Variants in SLC22A23 observed in about 807,000 individuals in gnomAD.
SLC22A23 encodes the protein solute carrier family 22 member 23.
SLC22A23 carries 26 observed loss-of-function variants against 61.0 expected under a neutral mutation model. The ratio of observed to expected loss-of-function variants is 0.43; its 90% confidence interval spans 0.31 to 0.59. SLC22A23 has a LOEUF of 0.59. Among genes scored for constraint, SLC22A23 ranks in the 20% least tolerant of loss-of-function variants. The pLI is 0.11. For synonymous variants in SLC22A23, 430 were observed against 413.9 expected, an observed-to-expected ratio of 1.04 and a Z score of -0.47; for missense variants, 796 against 934.7, an observed-to-expected ratio of 0.85 and a Z score of 1.94.
chr6:3,395,229 T>C (rs1053472896), intron 3 of SLC22A23, among the ~76,000 whole-genome samples: 3 of 152,188 alleles, frequency 2.0e-5, no homozygotes, highest in Non-Finnish European at 4.4e-5. Flanking sequence ...ATAATAAGAT[T>C]TTGGAGCCCA....
At position 3,297,005 on chromosome 6, in the gene SLC22A23, T is replaced by C. The variant is rs922971727; in HGVS notation, c.1210+1086A>G. Among the ~76,000 whole-genome samples, 4 of 152,194 alleles carry C rather than the reference T, an allele frequency of 2.6e-5. No individual in the cohort carries two copies. The highest frequency in any genetic ancestry group is 4.4e-5 in the Non-Finnish European group (3 of 68,030). On this transcript the variant is annotated intron_variant, in intron 5 of 9. Coordinates refer to ENST00000406686, the MANE Select transcript of SLC22A23 (RefSeq NM_015482.2). The surrounding 1 kb of genome is among the most constrained non-coding windows in gnomAD (Gnocchi z 4.3). ...GCACCTGTGCCCCTGGAGCAAAGCTTCCGCAGCCACTCTGACTGTAGTCCC... is the reference window on the plus strand; with the variant it reads ...GCACCTGTGCCCCTGGAGCAAAGCTCCCGCAGCCACTCTGACTGTAGTCCC...
At chr6:3,444,949 G>GGATGA (rs1236564246) in intron 1 of SLC22A23, 1 of 985,344 alleles carries the variant, frequency 1.0e-6, no homozygotes, top group East Asian at 1.1e-4. Flanking sequence ...GACTCATCCC[G>GGATGA]GTCGTCCTCA....
chr6:3,334,464 A>G (rs1763742576), intron 3 of SLC22A23, among the ~76,000 whole-genome samples: 1 of 151,154 alleles, frequency 6.6e-6, no homozygotes, highest in Non-Finnish European at 1.5e-5. Flanking sequence ...CCCAGCGTAG[A>G]TGTTGGCTTT....
intron 3 of SLC22A23, among the ~76,000 whole-genome samples, chr6:3,361,528 A>G (rs1362727703): frequency 2.0e-5 from 3 of 152,180 alleles, no homozygotes; most frequent in Admixed American, 1.3e-4. Flanking sequence ...CGACCTGCCT[A>G]TCAGTTCTAT....
rs979884299 is a variant in SLC22A23 at position 3,410,640 on chromosome 6, T to C, written c.759-298A>G. ...GTCTATTTCTGAGTGTATAGTGATATAATTCAAGGCAAGGGGAACAAAATT... is the reference window on the plus strand; with the variant it reads ...GTCTATTTCTGAGTGTATAGTGATACAATTCAAGGCAAGGGGAACAAAATT... On this transcript the variant is annotated intron_variant, in intron 2 of 9. Transcript: ENST00000406686. The surrounding 1 kb of genome is among the most constrained non-coding windows in gnomAD (Gnocchi z 5.0). Among the ~76,000 whole-genome samples, 7 of 152,184 alleles carry C rather than the reference T, an allele frequency of 4.6e-5. No individual in the cohort carries two copies. The highest frequency in any genetic ancestry group is 2.1e-4 in the South Asian group (1 of 4,830).
Position 3,308,918 on chromosome 6 carries a change from G to A in SLC22A23, c.1083-10700C>T, listed in dbSNP as rs557224168. Among the ~76,000 whole-genome samples the A allele has an allele frequency of 6.6e-6, 1 of 152,224 alleles. No individual in the cohort carries two copies. Among genetic ancestry groups the A allele is most frequent in the South Asian group, 2.1e-4 (1 of 4,816 alleles). On this transcript the variant is annotated intron_variant, in intron 4 of 9. Transcript: ENST00000406686. This position sits in a 1 kb window ranked among gnomAD's most constrained non-coding sequence, Gnocchi z 5.1. ...AGATTGTGCCACTGCACTCCAGCCT[G>A]GGCGACAGAGCGAGACTCTGTCTCA...
chr6:3,269,909 GTT>G lies in SLC22A23; in HGVS notation c.*3144_*3145del, dbSNP rs1308049556. The G allele has an allele frequency of 6.5e-6, 1 of 152,812 alleles. No homozygotes were observed. Among genetic ancestry groups the G allele is most frequent in the Non-Finnish European group, 1.5e-5 (1 of 68,040 alleles). 9.5% of individuals were successfully genotyped at this position (152,812 alleles called of 1,614,324 possible). A position where few individuals can be genotyped will look rare whatever the true frequency, so the allele number is the denominator to read the frequency against. On this transcript the variant is annotated 3_prime_UTR_variant, in exon 10 of 10. Transcript: ENST00000406686. ...GTGTGATACTTCCCTTACGAGGTTT[GTT>G]TTTGTTTTCTTTCTGTTCTGTAGCC...
chr6:3,393,460 G>A (rs1169887813), intron 3 of SLC22A23, among the ~76,000 whole-genome samples: 1 of 152,204 alleles, frequency 6.6e-6, no homozygotes, highest in Non-Finnish European at 1.5e-5. Context: ...CACGTGCCTA[G>A]TGCTGGACTA....
intron 7 of SLC22A23, among the ~76,000 whole-genome samples, chr6:3,285,669 G>A (rs1376919994): frequency 1.3e-5 from 2 of 152,356 alleles, no homozygotes; most frequent in Non-Finnish European, 2.9e-5. Flanking sequence ...GGCGCCACGT[G>A]TGCAATCCAT....
intron 1 of SLC22A23, among the ~76,000 whole-genome samples, chr6:3,453,381 T>G (rs1210034035): frequency 1.3e-5 from 2 of 152,140 alleles, no homozygotes; most frequent in Non-Finnish European, 2.9e-5. Context: ...AACAAAGCAC[T>G]CCCTTTCCAT....
intron 3 of SLC22A23, among the ~76,000 whole-genome samples, chr6:3,382,750 G>T (rs755383369): frequency 3.7e-4 from 56 of 152,330 alleles, no homozygotes; most frequent in Middle Eastern, 3.4e-3. Flanking sequence ...CATATGGCCT[G>T]CAAAGCCTAA....
At chr6:3,422,919 T>G (rs1181851020) in intron 1 of SLC22A23, among the ~76,000 whole-genome samples, 1 of 152,202 alleles carries the variant, frequency 6.6e-6, no homozygotes, top group East Asian at 1.9e-4. Context: ...TGAGCCTCTC[T>G]AAGGAAACCC....
chr6:3,397,951 G>T (rs1197891136), intron 3 of SLC22A23, among the ~76,000 whole-genome samples: 1 of 152,238 alleles, frequency 6.6e-6, no homozygotes, highest in African/African-American at 2.4e-5. Flanking sequence ...CAAGAATGGG[G>T]GGCCCTGGGG....
At chr6:3,429,007 C>G (rs1346126290) in intron 1 of SLC22A23, among the ~76,000 whole-genome samples, 2 of 152,288 alleles carry the variant, frequency 1.3e-5, no homozygotes. Flanking sequence ...GAAACCCTCT[C>G]CCTCCTACAC....
chr6:3,343,472 C>T (rs879493701), intron 3 of SLC22A23, among the ~76,000 whole-genome samples: 13 of 151,808 alleles, frequency 8.6e-5, no homozygotes, highest in South Asian at 2.1e-4. Flanking sequence ...CACACACACA[C>T]GCACACACAC....
At chr6:3,280,697 T>C (rs562901048) in intron 9 of SLC22A23, among the ~76,000 whole-genome samples, 2 of 152,010 alleles carry the variant, frequency 1.3e-5, no homozygotes, top group East Asian at 1.9e-4. Flanking sequence ...CGGGGTTTCA[T>C]CGTGTTAGCC....
rs1240572032 is a variant in SLC22A23, at chr6:3,269,406, TGCCC to T, written c.*3645_*3648del. The T allele has an allele frequency of 4.6e-5, 7 of 152,536 alleles. No homozygotes were observed. The highest frequency in any genetic ancestry group is 1.0e-4 in the Non-Finnish European group (7 of 68,052). The allele number at this position is 152,536 out of a possible 1,614,324, so 9.4% of individuals were successfully genotyped here. On this transcript the variant is annotated 3_prime_UTR_variant, in exon 10 of 10. Transcript: ENST00000406686. ...TTACTCACCATTAATGGTAGTGAAATGCCCTTCGGTGGATACCATCAGGTGAGGT... is the reference window on the plus strand; with the variant it reads ...TTACTCACCATTAATGGTAGTGAAATTTCGGTGGATACCATCAGGTGAGGT...
chr6:3,445,899 A>G (rs189827233), intron 1 of SLC22A23, among the ~76,000 whole-genome samples: 38 of 152,170 alleles, frequency 2.5e-4, no homozygotes, highest in Admixed American at 4.6e-4. Flanking sequence ...AGTGATGGGG[A>G]GCCATGGAAG....
At chr6:3,405,618 A>ATTTTT (rs546024248) in intron 3 of SLC22A23, among the ~76,000 whole-genome samples, 1 of 144,332 alleles carries the variant, frequency 6.9e-6, no homozygotes, top group African/African-American at 2.6e-5. Flanking sequence ...GCTCAGTCAA[A>ATTTTT]TTTTTTTTTT....
Sources: allele counts gnomAD v4.1 joint callset (sites outside exome capture counted in the v4.1 genomes callset), GRCh38; gene constraint gnomAD v4.1.1; non-coding constraint Gnocchi (gnomAD v3.1); transcripts MANE v1.5; gene names NCBI Gene and HGNC (gene_info 2026-07-23, HGNC 2026-07-21).